Variants in EPS8 observed in about 807,000 individuals in gnomAD.
EPS8 encodes EGFR pathway substrate 8, signaling adaptor.
A neutral mutation model predicts 103.8 loss-of-function variants in EPS8; 42 were observed. That is an observed-to-expected ratio of 0.40 (90% CI 0.32 to 0.52). EPS8 has a LOEUF of 0.52. Ranked by LOEUF, EPS8 falls within the 20% of genes least tolerant of loss-of-function variation. EPS8 has a pLI of 0.40. For synonymous variants in EPS8, 344 were observed against 344.6 expected (o/e 1.00, Z 0.02); for missense variants, 969 against 1,005.1 (o/e 0.96, Z 0.49).
chr12:15,725,946 C>T lies in EPS8; in HGVS notation c.-21-42974G>A, dbSNP rs1946648234. 6.6e-6 allele frequency among the ~76,000 whole-genome samples: 1 copy of T among 152,102 alleles called. No individual in the cohort carries two copies. ...TAGATACACATATTAAAAGTGTACACATAGCACATGCATACACTGAACAGC... is the reference window on the plus strand; with the variant it reads ...TAGATACACATATTAAAAGTGTACATATAGCACATGCATACACTGAACAGC... On this transcript the variant is annotated intron_variant, in intron 1 of 20. Transcript: ENST00000281172. The surrounding 1 kb of genome is among the most constrained non-coding windows in gnomAD (Gnocchi z 4.5).
In EPS8 at chr12:15,761,674, T is replaced by C. The variant is rs1038645215; in HGVS notation, c.-22+27487A>G. 6.6e-6 allele frequency among the ~76,000 whole-genome samples: 1 copy of C among 151,868 alleles called. No individual in the cohort carries two copies. The highest frequency in any genetic ancestry group is 2.4e-5 in the African/African-American group (1 of 41,356). ...ATTTTCAACAAAGGTGCCAAGAACATACACTGGGGAAAAGACAGACTCTTC... is the reference window on the plus strand; with the variant it reads ...ATTTTCAACAAAGGTGCCAAGAACACACACTGGGGAAAAGACAGACTCTTC... On this transcript the variant is annotated intron_variant, in intron 1 of 20. Coordinates refer to ENST00000281172, the MANE Select transcript of EPS8 (RefSeq NM_004447.6). This position sits in a 1 kb window ranked among gnomAD's most constrained non-coding sequence, Gnocchi z 4.5.
intron 1 of EPS8, among the ~76,000 whole-genome samples, chr12:15,746,853 A>G (rs1946880859): frequency 6.6e-6 from 1 of 151,926 alleles, no homozygotes; most frequent in South Asian, 2.1e-4. Context: ...CTAAGCATAT[A>G]CTCCTACTGT....
At chr12:15,730,828 A>T (rs1363759516) in intron 1 of EPS8, among the ~76,000 whole-genome samples, 2 of 152,158 alleles carry the variant, frequency 1.3e-5, no homozygotes, top group African/African-American at 4.8e-5. Flanking sequence ...TCAAATTATA[A>T]TATAGCCCTT....
chr12:15,623,328 T>G (rs1944891487), intron 19 of EPS8, 41 bp from the exon 20 acceptor site: 1 of 1,552,756 alleles, frequency 6.4e-7, no homozygotes, highest in Admixed American at 2.0e-5. Context: ...GCATTAAAAA[T>G]ATTGCCTACA....
At position 15,781,989 on chromosome 12, in the gene EPS8, C is replaced by G. The variant is rs2136055866; in HGVS notation, c.-22+7172G>C. 6.6e-6 allele frequency: 1 copy of G among 152,212 alleles called. No homozygotes were observed. Among genetic ancestry groups the G allele is most frequent in the Non-Finnish European group, 1.5e-5 (1 of 68,054 alleles). The allele number at this position is 152,212 out of a possible 1,614,324, so 9.4% of individuals were successfully genotyped here. ...CTTAAAGGCCTCACCTCTCAACACT[C>G]TCACATTGAGGATGAAATTTCAACA... On this transcript the variant is annotated intron_variant, in intron 1 of 20. Coordinates refer to ENST00000281172, the MANE Select transcript of EPS8 (RefSeq NM_004447.6). This position sits in a 1 kb window ranked among gnomAD's most constrained non-coding sequence, Gnocchi z 4.1.
rs1029443410 is a variant in EPS8 at position 15,767,016 on chromosome 12, A to AAT, written c.-22+22143_-22+22144dup. On this transcript the variant is annotated intron_variant, in intron 1 of 20. Transcript: ENST00000281172. The surrounding 1 kb of genome is among the most constrained non-coding windows in gnomAD (Gnocchi z 5.5). ...GTCAAATAGCCATCTCTGATGTTTA[A>AAT]ATATATATATATGATGACAATGATG... 7.2e-5 allele frequency among the ~76,000 whole-genome samples: 11 copies of AAT among 151,944 alleles called. No individual in the cohort carries two copies. Among genetic ancestry groups the AAT allele is most frequent in the Non-Finnish European group, 4.4e-5 (3 of 67,984 alleles).
Position 15,700,011 on chromosome 12 carries a change from G to A in EPS8, c.-21-17039C>T, listed in dbSNP as rs117348730. 4.9e-3 allele frequency among the ~76,000 whole-genome samples: 743 copies of A among 152,188 alleles called. 3 individuals carry two copies. Among genetic ancestry groups the A allele is most frequent in the Non-Finnish European group, 8.5e-3 (575 of 67,998 alleles). ...TCTACTAAAAACACAAACATTAGCC[G>A]GACGTGGTGCTACACAACGTGTAGT... is the stretch of plus-strand genomic sequence containing the variant. On this transcript the variant is annotated intron_variant, in intron 1 of 20. Transcript: ENST00000281172. The surrounding 1 kb of genome is among the most constrained non-coding windows in gnomAD (Gnocchi z 5.1).
At chr12:15,647,699 C>CA (rs368906810) in intron 14 of EPS8, among the ~76,000 whole-genome samples, 2 of 152,158 alleles carry the variant, frequency 1.3e-5, no homozygotes, top group African/African-American at 4.8e-5. Flanking sequence ...TCTTGACAGT[C>CA]AAGAGTCCAG....
intron 3 of EPS8, among the ~76,000 whole-genome samples, chr12:15,673,856 G>T (rs201453735): frequency 6.6e-6 from 1 of 151,976 alleles, no homozygotes; most frequent in African/African-American, 2.4e-5. Flanking sequence ...TCTCTTTCTC[G>T]CTCAGAATCA....
In EPS8 at chr12:15,771,891, G is replaced by A. The variant is rs574776095; in HGVS notation, c.-22+17270C>T. On this transcript the variant is annotated intron_variant, in intron 1 of 20. Coordinates refer to ENST00000281172, the MANE Select transcript of EPS8 (RefSeq NM_004447.6). The surrounding 1 kb of genome is among the most constrained non-coding windows in gnomAD (Gnocchi z 4.6). ...TGTAATCACAGCACTTTGGGAGGCCGAGGTGGGTGGATCACGAGGTCAGGA... is the reference window on the plus strand; with the variant it reads ...TGTAATCACAGCACTTTGGGAGGCCAAGGTGGGTGGATCACGAGGTCAGGA... Among the ~76,000 whole-genome samples the A allele has an allele frequency of 4.6e-5, 7 of 152,116 alleles. No homozygotes were observed. The East Asian group carries it at 5.8e-4, about 13-fold the overall frequency.
rs1947166314 is a variant in EPS8, at chr12:15,772,636, G to A, written c.-22+16525C>T. Among the ~76,000 whole-genome samples the A allele has an allele frequency of 6.6e-6, 1 of 152,168 alleles. No individual in the cohort carries two copies. The highest frequency in any genetic ancestry group is 2.4e-5 in the African/African-American group (1 of 41,426). ...CTTACTTGAGAGTTTCACTTAGGAAGAATTTTGGATACCTATTCCATCCCA... is the reference window on the plus strand; with the variant it reads ...CTTACTTGAGAGTTTCACTTAGGAAAAATTTTGGATACCTATTCCATCCCA... On this transcript the variant is annotated intron_variant, in intron 1 of 20. Coordinates refer to ENST00000281172, the MANE Select transcript of EPS8 (RefSeq NM_004447.6). The surrounding 1 kb of genome is among the most constrained non-coding windows in gnomAD (Gnocchi z 5.0).
At chr12:15,665,676 C>T in intron 8 of EPS8, 80 bp downstream of exon 8, 2 of 1,510,066 alleles carry the variant, frequency 1.3e-6, no homozygotes, top group Non-Finnish European at 9.1e-7. Context: ...GTTCTGAAAT[C>T]AGCATCAGAA....
At chr12:15,766,543 T>C (rs1273869655) in intron 1 of EPS8, among the ~76,000 whole-genome samples, 2 of 149,268 alleles carry the variant, frequency 1.3e-5, no homozygotes, top group Admixed American at 6.7e-5. Context: ...TGGGAGCTAA[T>C]GTGGGGCTCC....
At position 15,693,820 on chromosome 12, in the gene EPS8, C is replaced by T. The variant is rs1207861199; in HGVS notation, c.-21-10848G>A. 6.6e-6 allele frequency among the ~76,000 whole-genome samples: 1 copy of T among 152,166 alleles called. No homozygotes were observed. Among genetic ancestry groups the T allele is most frequent in the East Asian group, 1.9e-4 (1 of 5,196 alleles). ...GAAAACCAAACACTGCATATTCTCA[C>T]TCATAACTGAGAGCTGAACAATGAG... On this transcript the variant is annotated intron_variant, in intron 1 of 20. Coordinates refer to ENST00000281172, the MANE Select transcript of EPS8 (RefSeq NM_004447.6). This position sits in a 1 kb window ranked among gnomAD's most constrained non-coding sequence, Gnocchi z 5.6.
intron 17 of EPS8, among the ~76,000 whole-genome samples, chr12:15,638,128 GTGT>G (rs1945167539): frequency 6.6e-6 from 1 of 151,984 alleles, no homozygotes; most frequent in African/African-American, 2.4e-5. Context: ...TGGGTATCTG[GTGT>G]TGTAGAGATA....
intron 18 of EPS8, among the ~76,000 whole-genome samples, chr12:15,626,605 G>T (rs1410934170): frequency 7.1e-6 from 1 of 140,262 alleles, no homozygotes; most frequent in Non-Finnish European, 1.5e-5. Context: ...TTCCAGCCTG[G>T]CAACAGAGCA....
intron 1 of EPS8, among the ~76,000 whole-genome samples, chr12:15,742,149 T>C (rs1438853439): frequency 6.6e-6 from 1 of 152,250 alleles, no homozygotes; most frequent in Non-Finnish European, 1.5e-5. Flanking sequence ...CTCTTTGCTA[T>C]TGTGAATAGT....
chr12:15,723,093 G>A (rs1565518338), intron 1 of EPS8, among the ~76,000 whole-genome samples: 2 of 152,008 alleles, frequency 1.3e-5, no homozygotes, highest in Admixed American at 6.5e-5. Context: ...GGAGGCTGAG[G>A]GGGATGCATC....
At position 15,670,896 on chromosome 12, in the gene EPS8, C is replaced by T. The variant is rs768889001; in HGVS notation, c.164G>A (p.Ser55Asn). 4 of 1,612,308 alleles carry T rather than the reference C, an allele frequency of 2.5e-6. No individual in the cohort carries two copies. Among genetic ancestry groups the T allele is most frequent in the East Asian group, 2.2e-5 (1 of 44,792 alleles). The change falls in exon 4 of 21, where the codon AGT (serine) becomes AAT (asparagine). Residue 55 changes from serine to asparagine, a missense_variant. Ser to Asn is a conservative substitution (Grantham distance 46, BLOSUM62 1). Coordinates refer to ENST00000281172, the MANE Select transcript of EPS8 (RefSeq NM_004447.6). ...AGATATATCTGACACACTGCTGACACTGTCCCGTGCATAATTCTTCCTTTG... is the reference window on the plus strand; with the variant it reads ...AGATATATCTGACACACTGCTGACATTGTCCCGTGCATAATTCTTCCTTTG... ...YEQRKNYARD[S>N]VSSVSDISQY...
Sources: allele counts gnomAD v4.1 joint callset (sites outside exome capture counted in the v4.1 genomes callset), GRCh38; gene constraint gnomAD v4.1.1; non-coding constraint Gnocchi (gnomAD v3.1); transcripts MANE v1.5; gene names NCBI Gene and HGNC (gene_info 2026-07-23, HGNC 2026-07-21).